IRAG2: variants seen among roughly 807,000 people sequenced by gnomAD.
The protein encoded by IRAG2 is lymphoid restricted membrane protein.
IRAG2 carries 45 observed loss-of-function variants against 69.9 expected under a neutral mutation model. The observed-to-expected ratio is 0.64, with a 90% CI of 0.51 to 0.83. The LOEUF is 0.83. IRAG2 is among the 40% of genes least tolerant of loss of function. The pLI, the probability that IRAG2 is intolerant of heterozygous loss-of-function variation, is 0.00. For missense variants in IRAG2, 520 were observed against 587.0 expected, an observed-to-expected ratio of 0.89 and a Z score of 1.18; for synonymous variants, 193 against 202.4, an observed-to-expected ratio of 0.95 and a Z score of 0.40.
chr12:25,005,600 T>C (rs935030087), intron 2 of IRAG2, among the ~76,000 whole-genome samples: 1 of 152,252 alleles, frequency 6.6e-6, no homozygotes, highest in African/African-American at 2.4e-5. Context: ...TTTTTGAGCT[T>C]ATCAGCTGAC....
At chr12:25,030,339 G>T (rs1169567393) in intron 10 of IRAG2, 1 of 1,231,034 alleles carries the variant, frequency 8.1e-7, no homozygotes, top group Non-Finnish European at 1.0e-6. Flanking sequence ...CAGAAGGTTG[G>T]TATTGTTCCT....
At chr12:25,045,210 A>G (rs1006028065) in intron 16 of IRAG2, among the ~76,000 whole-genome samples, 1 of 152,160 alleles carries the variant, frequency 6.6e-6, no homozygotes, top group African/African-American at 2.4e-5. Context: ...AAATGAAAAC[A>G]AAAGCACATA....
chr12:25,034,764 T>C (rs1944691753), intron 13 of IRAG2, among the ~76,000 whole-genome samples: 1 of 152,230 alleles, frequency 6.6e-6, no homozygotes, highest in Admixed American at 6.5e-5. Context: ...AGAGAAAGAA[T>C]GCCTTTGGGC....
intron 9 of IRAG2, among the ~76,000 whole-genome samples, chr12:25,083,083 C>A (rs933830775): frequency 1.3e-5 from 2 of 151,974 alleles, no homozygotes; most frequent in African/African-American, 4.8e-5. Context: ...ACTAAGTTAC[C>A]AATTGTTCAT....
chr12:25,053,009 G>A (rs747842674), intron 1 of IRAG2, 53 bp downstream of exon 1: 4 of 398,032 alleles, frequency 1.0e-5, no homozygotes, highest in Admixed American at 4.4e-5. Flanking sequence ...CTCAGGCGGG[G>A]CATAGGACTA....
At chr12:25,101,048 T>TAAA in intron 15 of IRAG2, 130 bp from the exon 16 acceptor site, 2 of 672,490 alleles carry the variant, frequency 3.0e-6, no homozygotes, top group Non-Finnish European at 4.6e-6. Context: ...GCATGTCTTT[T>TAAA]TAAAAAAAAA....
At chr12:25,050,457 A>G (rs1944837999), upstream of IRAG2, among the ~76,000 whole-genome samples, 1 of 148,194 alleles carries the variant, frequency 6.7e-6, no homozygotes. Flanking sequence ...TCAACCCGGG[A>G]GCCAAAGGTT....
chr12:25,020,666 G>A (rs984034187), intron 6 of IRAG2: 14 of 402,570 alleles, frequency 3.5e-5, no homozygotes, highest in Middle Eastern at 6.3e-4. Context: ...TTTACTATGC[G>A]GGCATCTGGT....
At chr12:25,037,110 C>A (rs1304833265) in intron 15 of IRAG2, among the ~76,000 whole-genome samples, 1 of 152,132 alleles carries the variant, frequency 6.6e-6, no homozygotes, top group East Asian at 1.9e-4. Flanking sequence ...ACAGGAACTT[C>A]TTAGGTAGCT....
chr12:25,071,114 A>C (rs1946308447), intron 6 of IRAG2, among the ~76,000 whole-genome samples: 1 of 152,126 alleles, frequency 6.6e-6, no homozygotes. Flanking sequence ...GCTCTTACCT[A>C]GAGGCCAAGG....
chr12:25,034,434 T>A (rs575055928), intron 13 of IRAG2, among the ~76,000 whole-genome samples: 2 of 152,356 alleles, frequency 1.3e-5, no homozygotes, highest in Admixed American at 6.5e-5. Flanking sequence ...AAACTAGCAT[T>A]TTCTTACATG....
chr12:25,059,187 C>T (rs1945448153), intron 1 of IRAG2, among the ~76,000 whole-genome samples: 1 of 152,140 alleles, frequency 6.6e-6, no homozygotes, highest in African/African-American at 2.4e-5. Flanking sequence ...ACGATGGCCA[C>T]TTCTTATTGC....
At chr12:25,023,887 C>T in exon 8 of IRAG2, 14 of 1,227,718 alleles carry the variant, frequency 1.1e-5, no homozygotes, top group Non-Finnish European at 1.3e-5. Flanking sequence ...GAAAACCGGG[C>T]TCTGATTCTT....
chr12:25,054,568 A>C (rs1455126883), intron 1 of IRAG2, among the ~76,000 whole-genome samples: 1 of 152,162 alleles, frequency 6.6e-6, no homozygotes, highest in Non-Finnish European at 1.5e-5. Context: ...TTCACGGCCC[A>C]ATAGATTCAA....
intron 16 of IRAG2, among the ~76,000 whole-genome samples, chr12:25,043,712 TC>T (rs1944769311): frequency 6.6e-6 from 1 of 152,192 alleles, no homozygotes; most frequent in South Asian, 2.1e-4. Flanking sequence ...ACCCCTGGCC[TC>T]CAGAATCTCT....
intron 14 of IRAG2, 39 bp from the exon 15 acceptor site, chr12:25,096,871 T>C: frequency 1.3e-6 from 2 of 1,559,528 alleles, no homozygotes; most frequent in Admixed American, 3.9e-5. Context: ...CGCTGAATGC[T>C]TGTGTTAGAT....
At chr12:25,049,214 C>T (rs1309327067), upstream of IRAG2, among the ~76,000 whole-genome samples, 1 of 152,116 alleles carries the variant, frequency 6.6e-6, no homozygotes, top group African/African-American at 2.4e-5. Flanking sequence ...TTAGGATTGT[C>T]TTGGCTATTT....
intron 10 of IRAG2, among the ~76,000 whole-genome samples, chr12:25,087,549 T>A (rs1023934617): frequency 6.6e-6 from 1 of 152,178 alleles, no homozygotes; most frequent in African/African-American, 2.4e-5. Context: ...GTAATTCACA[T>A]CATGTTTGCA....
At chr12:25,079,375 C>T in intron 7 of IRAG2, 23 bp from the exon 8 acceptor site, 1 of 1,610,548 alleles carries the variant, frequency 6.2e-7, no homozygotes, top group Non-Finnish European at 8.5e-7. Context: ...CATTCCAAAA[C>T]ATGTTTGCTA....
Sources: gnomAD v4.1 joint callset for allele counts (sites outside exome capture counted in the v4.1 genomes callset) on GRCh38, gnomAD v4.1.1 for gene constraint, MANE v1.5 for transcripts, NCBI Gene and HGNC (gene_info 2026-07-23, HGNC 2026-07-21) for gene names.